The following DNAH7 variants were observed in gnomAD, a reference collection of about 807,000 sequenced individuals.
DNAH7 encodes the protein axonemal beta dynein heavy chain 7.
In DNAH7, 397 loss-of-function variants were observed where a neutral mutation model predicts 444.6. That is an observed-to-expected ratio of 0.89 (90% CI 0.82 to 0.97). The LOEUF (loss-of-function observed/expected upper bound fraction) is 0.97, where lower values mean the gene tolerates loss of function less well. Among genes scored for constraint, DNAH7 ranks in the 50% least tolerant of loss-of-function variants. The pLI, the probability that DNAH7 is intolerant of heterozygous loss-of-function variation, is 0.00. For synonymous variants in DNAH7, 1,636 were observed against 1,624.4 expected (o/e 1.01, Z -0.17); for missense variants, 4,902 against 4,800.8 (o/e 1.02, Z -0.62).
At position 195,951,167 on chromosome 2, in the gene DNAH7, T is replaced by G. The variant is rs147691054; in HGVS notation, c.3078+6094A>C. ...TTTGTTCTCATCGGCTTCAAAGAAC[T>G]TATTTATTTCTGCCTTAATTTAGTT... On this transcript the variant is annotated intron_variant, in intron 19 of 64. Coordinates refer to ENST00000312428, the MANE Select transcript of DNAH7 (RefSeq NM_018897.3). 0.019 allele frequency among the ~76,000 whole-genome samples: 2,964 copies of G among 152,230 alleles called. 249 individuals are homozygous for G. In the East Asian group the frequency reaches 0.27, roughly 14 times the overall value.
chr2:195,877,130 T>C (rs771233742), intron 36 of DNAH7, among the ~76,000 whole-genome samples: 36 of 152,214 alleles, frequency 2.4e-4, no homozygotes, highest in Non-Finnish European at 4.1e-4. Context: ...ATTTTCAAAA[T>C]GGAATTCACT....
At chr2:195,749,508 T>C (rs1693647373) in intron 63 of DNAH7, among the ~76,000 whole-genome samples, 1 of 152,188 alleles carries the variant, frequency 6.6e-6, no homozygotes, top group South Asian at 2.1e-4. Flanking sequence ...CTATAAATCA[T>C]GCTGCTATTA....
At chr2:195,870,990 A>C (rs555598536) in intron 40 of DNAH7, among the ~76,000 whole-genome samples, 1 of 152,212 alleles carries the variant, frequency 6.6e-6, no homozygotes, top group Admixed American at 6.5e-5. Context: ...GCCCCCAAAC[A>C]CAAGCCTGCA....
chr2:195,790,159 G>A (rs965770087), intron 57 of DNAH7, among the ~76,000 whole-genome samples: 7 of 151,998 alleles, frequency 4.6e-5, no homozygotes, highest in African/African-American at 7.3e-5. Flanking sequence ...ACAAAACACC[G>A]CTGAAAGAAA....
At chr2:195,921,280 ATTTGCAC>A (rs1179835307) in intron 24 of DNAH7, among the ~76,000 whole-genome samples, 1 of 151,900 alleles carries the variant, frequency 6.6e-6, no homozygotes, top group Non-Finnish European at 1.5e-5. Context: ...CAGTAGCACA[ATTTGCAC>A]TTGCAAAAAT....
intron 5 of DNAH7, among the ~76,000 whole-genome samples, chr2:196,038,067 G>A (rs1239511369): frequency 2.0e-5 from 3 of 151,868 alleles, no homozygotes; most frequent in African/African-American, 7.3e-5. Context: ...ATACTTATCA[G>A]CAGAAACCTT....
chr2:195,770,995 C>G (rs1161857843), intron 61 of DNAH7, among the ~76,000 whole-genome samples: 1 of 151,694 alleles, frequency 6.6e-6, no homozygotes, highest in Non-Finnish European at 1.5e-5. Flanking sequence ...CACACTTGGC[C>G]AGTTTATTTC....
At chr2:195,869,042 C>A (rs1700519534) in intron 40 of DNAH7, among the ~76,000 whole-genome samples, 1 of 151,736 alleles carries the variant, frequency 6.6e-6, no homozygotes, top group South Asian at 2.1e-4. Flanking sequence ...AGGTGGGGTC[C>A]TTGTTACACA....
chr2:195,842,387 G>A (rs1417685662), intron 47 of DNAH7, among the ~76,000 whole-genome samples: 1 of 152,018 alleles, frequency 6.6e-6, no homozygotes, highest in African/African-American at 2.4e-5. Flanking sequence ...AAAGCACTTA[G>A]CACAGGATTA....
chr2:195,748,904 A>G (rs1360230653), intron 63 of DNAH7, among the ~76,000 whole-genome samples: 2 of 152,224 alleles, frequency 1.3e-5, no homozygotes, highest in East Asian at 3.8e-4. Flanking sequence ...CCAAGGCATT[A>G]CCATTCAGGA....
intron 58 of DNAH7, among the ~76,000 whole-genome samples, chr2:195,779,668 G>A (rs1471667522): frequency 3.3e-5 from 5 of 151,994 alleles, no homozygotes; most frequent in African/African-American, 1.2e-4. Context: ...GAGTACAGTG[G>A]TGTGATAAGG....
At chr2:195,875,628 C>A (rs1293624964) in intron 38 of DNAH7, 47 bp downstream of exon 38, 1 of 1,512,428 alleles carries the variant, frequency 6.6e-7, no homozygotes, top group Non-Finnish European at 8.9e-7. Context: ...TTAGCTATTG[C>A]TAGGGAGATT....
intron 52 of DNAH7, among the ~76,000 whole-genome samples, chr2:195,809,109 C>T (rs956445598): frequency 6.6e-6 from 1 of 152,174 alleles, no homozygotes; most frequent in Non-Finnish European, 1.5e-5. Flanking sequence ...CAATTTTCCT[C>T]CAGAATTACT....
At chr2:195,871,909 C>T (rs1398078337) in intron 40 of DNAH7, among the ~76,000 whole-genome samples, 6 of 58,330 alleles carry the variant, frequency 1.0e-4, no homozygotes, top group Admixed American at 4.9e-4. Flanking sequence ...CCAGCCTGGG[C>T]GACAGAGCGA....
chr2:196,043,761 T>G (rs1301153075), intron 5 of DNAH7, among the ~76,000 whole-genome samples: 1 of 151,944 alleles, frequency 6.6e-6, no homozygotes, highest in Non-Finnish European at 1.5e-5. Context: ...ATAGACAATT[T>G]TCAAAAGAAG....
chr2:195,737,761 T>G lies in DNAH7; in HGVS notation c.*160A>C. 1 of 616,674 alleles carries G rather than the reference T, an allele frequency of 1.6e-6. No homozygotes were observed. Among genetic ancestry groups the G allele is most frequent in the Non-Finnish European group, 2.8e-6 (1 of 356,926 alleles). 38.2% of individuals were successfully genotyped at this position (616,674 alleles called of 1,614,324 possible). A position where few individuals can be genotyped will look rare whatever the true frequency, so the allele number is the denominator to read the frequency against. On this transcript the variant is annotated 3_prime_UTR_variant, in exon 65 of 65. Coordinates refer to ENST00000312428, the MANE Select transcript of DNAH7 (RefSeq NM_018897.3). ...ACATTTCCTTACATTTAAGTATGAG[T>G]CATATTAAGTTTAGCTGCATTTGCT...
intron 18 of DNAH7, among the ~76,000 whole-genome samples, chr2:195,960,018 T>C (rs773481339): frequency 1.3e-5 from 2 of 152,222 alleles, no homozygotes; most frequent in Non-Finnish European, 2.9e-5. Context: ...ATTAAGATGA[T>C]AGCAAAGGAT....
Position 195,817,909 on chromosome 2 carries a change from T to A in DNAH7, c.9292-80A>T, listed in dbSNP as rs188348346. 7 of 1,047,278 alleles carry A rather than the reference T, an allele frequency of 6.7e-6. No homozygotes were observed. The East Asian group carries it at 1.6e-4, about 23-fold the overall frequency. 64.9% of individuals were successfully genotyped at this position (1,047,278 alleles called of 1,614,324 possible). ...TGCTTTTATGTGTCAAGTTCTGCCC[T>A]TAAAATAGACTCTATTTACTATATA... is the stretch of plus-strand genomic sequence containing the variant. On this transcript the variant is annotated intron_variant, in intron 49 of 64. Transcript: ENST00000312428.
intron 33 of DNAH7, 59 bp downstream of exon 33, chr2:195,888,199 G>GT: frequency 1.5e-6 from 2 of 1,367,042 alleles, no homozygotes; most frequent in Non-Finnish European, 2.0e-6. Context: ...AAATTGATAT[G>GT]TAAGTCTAAT....
Sources: gnomAD v4.1 joint callset for allele counts (sites outside exome capture counted in the v4.1 genomes callset) on GRCh38, gnomAD v4.1.1 for gene constraint, MANE v1.5 for transcripts, NCBI Gene and HGNC (gene_info 2026-07-23, HGNC 2026-07-21) for gene names.